FBXL7: variants seen among roughly 807,000 people sequenced by gnomAD.
FBXL7 encodes F-box and leucine rich repeat protein 7.
Under a neutral mutation model 38.3 loss-of-function variants are expected in FBXL7, and 12 were observed. The ratio of observed to expected loss-of-function variants is 0.31; its 90% CI spans 0.20 to 0.51. The LOEUF (loss-of-function observed/expected upper bound fraction) is 0.51, where lower values mean the gene tolerates loss of function less well. FBXL7 is among the 20% of genes least tolerant of loss of function. FBXL7 has a pLI of 0.98. For missense variants in FBXL7, 567 were observed against 676.4 expected, an observed-to-expected ratio of 0.84 and a Z score of 1.79; for synonymous variants, 297 against 300.9, an observed-to-expected ratio of 0.99 and a Z score of 0.13.
chr5:15,694,126 G>C (rs79377809), intron 2 of FBXL7, among the ~76,000 whole-genome samples: 1 of 152,136 alleles, frequency 6.6e-6, no homozygotes. Flanking sequence ...TGGGGTCGGA[G>C]CCCGTACTCC....
intron 2 of FBXL7, among the ~76,000 whole-genome samples, chr5:15,703,169 C>T (rs1421383621): frequency 6.6e-6 from 1 of 152,192 alleles, no homozygotes; most frequent in Non-Finnish European, 1.5e-5. Context: ...CAGTTACTTA[C>T]ACAAATGCTA....
intron 1 of FBXL7, among the ~76,000 whole-genome samples, chr5:15,531,113 G>A (rs531527410): frequency 7.0e-4 from 107 of 152,212 alleles, no homozygotes; most frequent in Non-Finnish European, 1.2e-3. Flanking sequence ...CCAGACATGC[G>A]CTACTAGCAA....
chr5:15,695,164 A>G (rs182929293), intron 2 of FBXL7, among the ~76,000 whole-genome samples: 1 of 152,250 alleles, frequency 6.6e-6, no homozygotes, highest in Admixed American at 6.5e-5. Context: ...AAAAGGAAAG[A>G]TGACCTTGAA....
At chr5:15,794,936 C>T (rs1737376867) in intron 2 of FBXL7, among the ~76,000 whole-genome samples, 1 of 152,194 alleles carries the variant, frequency 6.6e-6, no homozygotes, top group Admixed American at 6.5e-5. Flanking sequence ...GTGGGAAATA[C>T]TTTTCAACTG....
At chr5:15,819,261 C>CTT in intron 2 of FBXL7, among the ~76,000 whole-genome samples, 3 of 151,900 alleles carry the variant, frequency 2.0e-5, no homozygotes, top group African/African-American at 7.3e-5. Context: ...TCTCAGGGAT[C>CTT]CTGTAAGATA....
intron 1 of FBXL7, among the ~76,000 whole-genome samples, chr5:15,548,761 G>T (rs978290275): frequency 2.0e-5 from 3 of 152,188 alleles, no homozygotes; most frequent in African/African-American, 7.2e-5. Context: ...CAATTTTCAT[G>T]TAAGAGGTGG....
chr5:15,582,623 A>C (rs1400230688), intron 1 of FBXL7, among the ~76,000 whole-genome samples: 4 of 152,216 alleles, frequency 2.6e-5, no homozygotes, highest in Admixed American at 2.0e-4. Flanking sequence ...CTTCACTCAT[A>C]TAAATGATTA....
chr5:15,927,764 T>TAAAAAAAAAAA lies in FBXL7; in HGVS notation c.128-113_128-103dup, dbSNP rs753935096. On this transcript the variant is annotated intron_variant, in intron 2 of 3. Transcript: ENST00000504595. Reference sequence around the variant, plus strand: ...CACTCCCGCCTGGGCGACAAGATCTTAAAAAAAAAAAAAAAAAAAAAAAGA... The same window carrying TAAAAAAAAAAA: ...CACTCCCGCCTGGGCGACAAGATCTTAAAAAAAAAAAAAAAAAAAAAAAAAAAAAAAAAAGA... The TAAAAAAAAAAA allele has an allele frequency of 2.3e-3, 1,057 of 455,858 alleles. 9 individuals carry two copies. The highest frequency in any genetic ancestry group is 0.01 in the Admixed American group (107 of 10,572). The allele number at this position is 455,858 out of a possible 1,614,324, so 28.2% of individuals were successfully genotyped here. A position where few individuals can be genotyped will look rare whatever the true frequency, so the allele number is the denominator to read the frequency against.
chr5:15,834,275 G>C (rs2126777124), intron 2 of FBXL7, among the ~76,000 whole-genome samples: 1 of 152,276 alleles, frequency 6.6e-6, no homozygotes, highest in East Asian at 1.9e-4. Flanking sequence ...ACTATTAACT[G>C]AAAGCCTAGA....
At chr5:15,919,182 G>A (rs1430176820) in intron 2 of FBXL7, among the ~76,000 whole-genome samples, 1 of 152,160 alleles carries the variant, frequency 6.6e-6, no homozygotes, top group Non-Finnish European at 1.5e-5. Context: ...ATCAGAGGGG[G>A]AAGATGAAGA....
intron 2 of FBXL7, among the ~76,000 whole-genome samples, chr5:15,682,426 C>T (rs1217844042): frequency 6.6e-6 from 1 of 152,124 alleles, no homozygotes; most frequent in Admixed American, 6.5e-5. Context: ...TTCATCACTA[C>T]CACTTCCACC....
chr5:15,835,923 T>C (rs1738580782), intron 2 of FBXL7, among the ~76,000 whole-genome samples: 1 of 152,196 alleles, frequency 6.6e-6, no homozygotes, highest in African/African-American at 2.4e-5. Flanking sequence ...TGCAGGAAGC[T>C]AAAGAACTCT....
chr5:15,791,914 CA>C (rs1403586760), intron 2 of FBXL7, among the ~76,000 whole-genome samples: 1 of 152,096 alleles, frequency 6.6e-6, no homozygotes, highest in East Asian at 1.9e-4. Context: ...CAGAAGGTTC[CA>C]AAGTGGGTCT....
At chr5:15,705,474 T>C (rs1365538395) in intron 2 of FBXL7, among the ~76,000 whole-genome samples, 1 of 152,318 alleles carries the variant, frequency 6.6e-6, no homozygotes, top group East Asian at 1.9e-4. Flanking sequence ...AACTTGGTCC[T>C]TGCCATTAAA....
At chr5:15,763,528 T>G (rs1179371906) in intron 2 of FBXL7, among the ~76,000 whole-genome samples, 3 of 152,146 alleles carry the variant, frequency 2.0e-5, no homozygotes, top group Non-Finnish European at 2.9e-5. Flanking sequence ...TCGAATATAA[T>G]TTGTGGTAAG....
At chr5:15,682,015 A>G (rs1472185419) in intron 2 of FBXL7, among the ~76,000 whole-genome samples, 1 of 152,232 alleles carries the variant, frequency 6.6e-6, no homozygotes, top group East Asian at 1.9e-4. Flanking sequence ...GTCAGAATAC[A>G]CTAATGGTTA....
At chr5:15,736,064 A>C (rs1378807090) in intron 2 of FBXL7, among the ~76,000 whole-genome samples, 2 of 152,198 alleles carry the variant, frequency 1.3e-5, no homozygotes, top group Non-Finnish European at 2.9e-5. Flanking sequence ...CTTCAGATGT[A>C]AGATTTAGTG....
intron 1 of FBXL7, among the ~76,000 whole-genome samples, chr5:15,573,722 C>T (rs527815668): frequency 3.3e-5 from 5 of 152,318 alleles, no homozygotes; most frequent in Admixed American, 2.6e-4. Context: ...TACTCTGCTT[C>T]AGCCAATCAG....
At chr5:15,922,446 A>G (rs892262247) in intron 2 of FBXL7, among the ~76,000 whole-genome samples, 1 of 152,166 alleles carries the variant, frequency 6.6e-6, no homozygotes, top group Non-Finnish European at 1.5e-5. Context: ...TGTGGGTGAT[A>G]TCTGCTCCTT....
Sources: allele counts gnomAD v4.1 joint callset (sites outside exome capture counted in the v4.1 genomes callset), GRCh38; gene constraint gnomAD v4.1.1; transcripts MANE v1.5; gene names NCBI Gene and HGNC (gene_info 2026-07-23, HGNC 2026-07-21).